The following PTGR1 variants were observed in gnomAD, a reference collection of about 807,000 sequenced individuals.
PTGR1 encodes the protein prostaglandin reductase 1, also known as 15-oxoprostaglandin 13-reductase.
In PTGR1, 23 loss-of-function variants were observed where a neutral mutation model predicts 37.7. That is an observed-to-expected ratio of 0.61 (90% CI 0.44 to 0.86). The LOEUF (loss-of-function observed/expected upper bound fraction) is 0.86, where lower values mean the gene tolerates loss of function less well. PTGR1 is among the 40% of genes least tolerant of loss of function. The probability of loss-of-function intolerance (pLI) is 0.00; values close to 1 mark genes in which losing one functional copy is unlikely to be tolerated. For missense variants in PTGR1, 351 were observed against 394.3 expected, an observed-to-expected ratio of 0.89 and a Z score of 0.93; for synonymous variants, 134 against 140.0, an observed-to-expected ratio of 0.96 and a Z score of 0.30.
intron 4 of PTGR1, chr9:111,592,686 T>G: frequency 2.1e-6 from 1 of 465,904 alleles, no homozygotes; most frequent in East Asian, 3.7e-5. Context: ...TACTTTTTTT[T>G]TTTTAGTAAT....
At chr9:111,590,273 G>A (rs772975221) in intron 4 of PTGR1, among the ~76,000 whole-genome samples, 4 of 152,126 alleles carry the variant, frequency 2.6e-5, no homozygotes, top group Non-Finnish European at 5.9e-5. Context: ...TAAGCATAAA[G>A]TATCATTATA....
chr9:111,582,662 C>A (rs191723832), intron 6 of PTGR1, among the ~76,000 whole-genome samples: 49 of 152,330 alleles, frequency 3.2e-4, no homozygotes, highest in Admixed American at 2.9e-3. Flanking sequence ...AATTTAATAT[C>A]TATTCCTATT....
downstream of PTGR1, among the ~76,000 whole-genome samples, chr9:111,558,501 G>T (rs972766803): frequency 5.9e-5 from 9 of 152,100 alleles, no homozygotes; most frequent in African/African-American, 2.2e-4. Context: ...AACATAGCAA[G>T]AATCCTCTTA....
chr9:111,578,423 G>C (rs1829154779), intron 7 of PTGR1, among the ~76,000 whole-genome samples: 1 of 152,174 alleles, frequency 6.6e-6, no homozygotes, highest in South Asian at 2.1e-4. Context: ...GTCCCATCTG[G>C]GGGTGATGGG....
In PTGR1 at chr9:111,589,611, A is replaced by G. The variant is rs559749421; in HGVS notation, c.209+3315T>C. ...TGACTCAAAATTTTTGTCATAAAAA[A>G]TTAAAGTATAAAATACAGAAAACAT... On this transcript the variant is annotated intron_variant, in intron 4 of 9. Transcript: ENST00000407693. Among the ~76,000 whole-genome samples the G allele has an allele frequency of 3.9e-5, 6 of 152,038 alleles. No homozygotes were observed. In the East Asian group the frequency reaches 1.2e-3, roughly 29 times the overall value.
At chr9:111,571,166 T>C (rs1828803997) in intron 8 of PTGR1, among the ~76,000 whole-genome samples, 2 of 149,478 alleles carry the variant, frequency 1.3e-5, no homozygotes, top group Non-Finnish European at 3.0e-5. Context: ...TAATCCAGCA[T>C]TTTGGGAGGC....
rs188133629 is a variant in PTGR1, at chr9:111,565,268, T to C, written c.880-2037A>G. ...CAGGGAAAAGGAAGCCATCTACAAG[T>C]TGAAAAGAGAGAGGCCTGCAAAGAA... is the stretch of plus-strand genomic sequence containing the variant. On this transcript the variant is annotated intron_variant, in intron 9 of 9. Coordinates refer to ENST00000407693, the MANE Select transcript of PTGR1 (RefSeq NM_001146108.2). Among the ~76,000 whole-genome samples, 455 of 151,984 alleles carry C rather than the reference T, an allele frequency of 3.0e-3. 1 individual carries two copies. The highest frequency in any genetic ancestry group is 4.5e-3 in the Non-Finnish European group (308 of 67,964).
intron 9 of PTGR1, chr9:111,549,852 T>C: frequency 1.7e-6 from 2 of 1,168,872 alleles, no homozygotes; most frequent in Non-Finnish European, 2.5e-6. Flanking sequence ...AGGCAGTTGC[T>C]TTAAAGTCTG....
At chr9:111,596,422 C>G (rs1829781501) in intron 2 of PTGR1, among the ~76,000 whole-genome samples, 2 of 152,008 alleles carry the variant, frequency 1.3e-5, no homozygotes, top group South Asian at 4.2e-4. Context: ...CAAGACCAGC[C>G]TGGCAAAGAT....
intron 8 of PTGR1, among the ~76,000 whole-genome samples, 154 bp from the exon 9 acceptor site, chr9:111,570,363 C>G (rs916416981): frequency 1.3e-5 from 2 of 152,162 alleles, no homozygotes; most frequent in Non-Finnish European, 2.9e-5. Flanking sequence ...CACGGGACTG[C>G]TGGCCAATCA....
intron 9 of PTGR1, among the ~76,000 whole-genome samples, chr9:111,551,608 C>A (rs1404804866): frequency 9.2e-5 from 14 of 151,748 alleles, no homozygotes; most frequent in Non-Finnish European, 1.5e-5. Context: ...CACTGTGTTG[C>A]CCAGGCTGTT....
intron 7 of PTGR1, among the ~76,000 whole-genome samples, 187 bp from the exon 8 acceptor site, chr9:111,575,029 G>T (rs572396646): frequency 6.6e-6 from 1 of 152,276 alleles, no homozygotes; most frequent in East Asian, 1.9e-4. Flanking sequence ...GGCCGGGCAC[G>T]GTGGCTTACA....
intron 9 of PTGR1, among the ~76,000 whole-genome samples, chr9:111,564,762 T>C (rs1037126377): frequency 6.6e-6 from 1 of 152,074 alleles, no homozygotes; most frequent in Non-Finnish European, 1.5e-5. Flanking sequence ...TCCAAATCCA[T>C]ATGTTTAAGT....
At chr9:111,561,183 G>GAGAA (rs1564608270), downstream of PTGR1, among the ~76,000 whole-genome samples, 5 of 130,680 alleles carry the variant, frequency 3.8e-5, no homozygotes, top group African/African-American at 1.5e-4. Flanking sequence ...GAGAGAAAGA[G>GAGAA]AGAGAGATTC....
intron 4 of PTGR1, among the ~76,000 whole-genome samples, chr9:111,588,427 T>A (rs1031210535): frequency 6.6e-6 from 1 of 152,106 alleles, no homozygotes; most frequent in Non-Finnish European, 1.5e-5. Context: ...GAGATGGGGT[T>A]TCACCTGTTA....
intron 4 of PTGR1, among the ~76,000 whole-genome samples, chr9:111,589,772 T>C (rs1246133945): frequency 2.0e-5 from 3 of 151,980 alleles, no homozygotes; most frequent in Admixed American, 1.3e-4. Flanking sequence ...GTAGCTGGGA[T>C]TACAAGCGCC....
chr9:111,566,569 C>T (rs769187243), intron 9 of PTGR1, among the ~76,000 whole-genome samples: 2 of 152,198 alleles, frequency 1.3e-5, no homozygotes, highest in Non-Finnish European at 1.5e-5. Context: ...CTAAAACTTA[C>T]ATGGTGTAAG....
chr9:111,574,813 G>A lies in PTGR1; in HGVS notation c.681C>T (p.Ile227=), dbSNP rs746335491. ...TCCTTCCAAATTTCTTCATCTGGCCGATAACAGTGTTTGAAAACTCTCCAC... is the reference window on the plus strand; with the variant it reads ...TCCTTCCAAATTTCTTCATCTGGCCAATAACAGTGTTTGAAAACTCTCCAC... ...NVGGEFSNTV[I]GQMKKFGRIA... Residue 227 remains isoleucine (I), a synonymous_variant, in exon 8 of 10, where the codon ATC becomes ATT. Coordinates refer to ENST00000407693, the MANE Select transcript of PTGR1 (RefSeq NM_001146108.2). 38 of 1,613,422 alleles carry A rather than the reference G, an allele frequency of 2.4e-5. No homozygotes were observed. Among genetic ancestry groups the A allele is most frequent in the African/African-American group, 1.3e-4 (10 of 74,854 alleles).
At chr9:111,578,584 A>G (rs28428959) in intron 7 of PTGR1, among the ~76,000 whole-genome samples, 25,549 of 152,034 alleles carry the variant, frequency 0.17, 2,672 homozygotes, top group African/African-American at 0.28. Flanking sequence ...TGTTCTGAGA[A>G]GAGGCGGAGC....
Sources: allele counts gnomAD v4.1 joint callset (sites outside exome capture counted in the v4.1 genomes callset), GRCh38; gene constraint gnomAD v4.1.1; transcripts MANE v1.5; gene names NCBI Gene and HGNC (gene_info 2026-07-23, HGNC 2026-07-21).